ARHGEF10L: variants seen among roughly 807,000 people sequenced by gnomAD.
The protein encoded by ARHGEF10L is rho guanine nucleotide exchange factor 10-like protein.
ARHGEF10L carries 69 observed loss-of-function variants against 141.2 expected under a neutral mutation model. That is an observed-to-expected ratio of 0.49 (90% CI 0.40 to 0.60). The LOEUF is 0.60. ARHGEF10L is among the 20% of genes least tolerant of loss of function. ARHGEF10L has a pLI of 0.00. For synonymous variants in ARHGEF10L, 711 were observed against 718.5 expected (o/e 0.99, Z 0.17); for missense variants, 1,482 against 1,734.3 (o/e 0.85, Z 2.58).
intron 1 of ARHGEF10L, among the ~76,000 whole-genome samples, chr1:17,543,890 C>T (rs2076821923): frequency 6.6e-6 from 1 of 151,292 alleles, no homozygotes; most frequent in Non-Finnish European, 1.5e-5. Flanking sequence ...TCAGGTGATC[C>T]ACCTGCCTCA....
At chr1:17,605,237 G>A (rs1052876168) in intron 6 of ARHGEF10L, among the ~76,000 whole-genome samples, 2 of 152,166 alleles carry the variant, frequency 1.3e-5, no homozygotes, top group Non-Finnish European at 2.9e-5. Flanking sequence ...TTGGGCACAG[G>A]GCTTTGTGCC....
At chr1:17,562,063 G>A (rs1286798955) in intron 1 of ARHGEF10L, among the ~76,000 whole-genome samples, 2 of 152,224 alleles carry the variant, frequency 1.3e-5, no homozygotes, top group African/African-American at 2.4e-5. Context: ...TTGAAGACTT[G>A]TTAGTGCCCA....
chr1:17,607,025 C>T lies in ARHGEF10L; in HGVS notation c.434-777C>T, dbSNP rs770475127. On this transcript the variant is annotated intron_variant, in intron 6 of 28. Transcript: ENST00000361221. This position sits in a 1 kb window ranked among gnomAD's most constrained non-coding sequence, Gnocchi z 4.5. ...GAGCTCCTGGACTCTGGGCCAGCTG[C>T]GCCCCCTACTGGAAGATCCCAGGCT... Among the ~76,000 whole-genome samples the T allele has an allele frequency of 3.3e-4, 50 of 152,336 alleles. No homozygotes were observed. The highest frequency in any genetic ancestry group is 5.6e-4 in the Non-Finnish European group (38 of 68,042).
At position 17,670,754 on chromosome 1, in the gene ARHGEF10L, C is replaced by T. The variant is rs552232722; in HGVS notation, c.3009+6159C>T. On this transcript the variant is annotated intron_variant, in intron 26 of 28. Transcript: ENST00000361221. Reference sequence around the variant, plus strand: ...ATCTCCGCAACGCTGAGGAGTGACCCGCTGGGCCCATTTTACAGATGGGGA... The same window carrying T: ...ATCTCCGCAACGCTGAGGAGTGACCTGCTGGGCCCATTTTACAGATGGGGA... 8.5e-4 allele frequency among the ~76,000 whole-genome samples: 130 copies of T among 152,342 alleles called. 1 individual carries two copies. The South Asian group carries it at 0.024, about 28-fold the overall frequency.
intron 9 of ARHGEF10L, chr1:17,618,314 A>G (rs1213402773): frequency 1.5e-6 from 2 of 1,335,074 alleles, no homozygotes; most frequent in Non-Finnish European, 2.0e-6. Context: ...TGCAGAGGCG[A>G]TATTAATAGC....
intron 26 of ARHGEF10L, among the ~76,000 whole-genome samples, chr1:17,684,473 CAG>C (rs984703590): frequency 1.3e-5 from 2 of 152,144 alleles, no homozygotes; most frequent in Non-Finnish European, 2.9e-5. Flanking sequence ...TCCCAAAAAT[CAG>C]AGGCTCTGAG....
At chr1:17,696,708 C>T in intron 28 of ARHGEF10L, 140 bp from the exon 29 acceptor site, 1 of 865,294 alleles carries the variant, frequency 1.2e-6, no homozygotes, top group Non-Finnish European at 1.7e-6. Flanking sequence ...GAGCCTGTGG[C>T]CTTCGGGGGA....
Position 17,603,445 on chromosome 1 carries a change from C to A in ARHGEF10L, c.350-63C>A. On this transcript the variant is annotated intron_variant, in intron 5 of 28. Coordinates refer to ENST00000361221, the MANE Select transcript of ARHGEF10L (RefSeq NM_018125.4). The surrounding 1 kb of genome is among the most constrained non-coding windows in gnomAD (Gnocchi z 4.8). ...GCTGGTGCAGTCCTGATGTCATCTG[C>A]AGCACCTCTGGCCAGGCTGCCACAG... The A allele has an allele frequency of 7.2e-7, 1 of 1,390,716 alleles. No individual in the cohort carries two copies. Among genetic ancestry groups the A allele is most frequent in the South Asian group, 1.3e-5 (1 of 78,770 alleles). 86.1% of individuals were successfully genotyped at this position (1,390,716 alleles called of 1,614,324 possible). A position where few individuals can be genotyped will look rare whatever the true frequency, so the allele number is the denominator to read the frequency against.
chr1:17,655,933 C>T lies in ARHGEF10L; in HGVS notation c.2536C>T (p.Arg846Trp), dbSNP rs751771910. The change falls in exon 24 of 29, where the codon CGG becomes TGG. Residue 846 changes from arginine to tryptophan, a missense_variant. Physicochemically the swap from Arg to Trp is moderately radical, Grantham distance 101 (BLOSUM62 -3). Transcript: ENST00000361221. Reference sequence around the variant, plus strand: ...CCAGGTGGAAATCTTTTCCTTGAACCGGCCCTCGCCCCGCACCGTCAAGTC... The same window carrying T: ...CCAGGTGGAAATCTTTTCCTTGAACTGGCCCTCGCCCCGCACCGTCAAGTC... ...GGQVEIFSLN[R>W]PSPRTVKSFP... 2.5e-5 allele frequency: 39 copies of T among 1,558,308 alleles called. No homozygotes were observed. Among genetic ancestry groups the T allele is most frequent in the Admixed American group, 3.8e-5 (2 of 52,264 alleles).
chr1:17,650,933 G>T (rs1393177621), intron 22 of ARHGEF10L, among the ~76,000 whole-genome samples: 1 of 152,118 alleles, frequency 6.6e-6, no homozygotes, highest in Non-Finnish European at 1.5e-5. Flanking sequence ...AATGCAGTGC[G>T]TAAATATAAT....
intron 1 of ARHGEF10L, among the ~76,000 whole-genome samples, chr1:17,579,858 G>T (rs1285155202): frequency 6.6e-6 from 1 of 152,234 alleles, no homozygotes; most frequent in African/African-American, 2.4e-5. Context: ...GGAGGCATCA[G>T]CCTTTTGCTT....
intron 1 of ARHGEF10L, among the ~76,000 whole-genome samples, chr1:17,565,800 T>C (rs982079923): frequency 6.6e-6 from 1 of 152,176 alleles, no homozygotes; most frequent in Non-Finnish European, 1.5e-5. Flanking sequence ...ACTGAGGACA[T>C]GGAGAGGCAA....
chr1:17,645,273 C>T (rs538509096), intron 21 of ARHGEF10L, among the ~76,000 whole-genome samples: 1 of 152,186 alleles, frequency 6.6e-6, no homozygotes, highest in East Asian at 1.9e-4. Flanking sequence ...GGTTTTGTGA[C>T]GGGAACAATG....
chr1:17,624,643 C>T (rs2060282986), intron 13 of ARHGEF10L, 140 bp downstream of exon 13: 1 of 704,346 alleles, frequency 1.4e-6, no homozygotes, highest in East Asian at 2.7e-5. Context: ...TTGGGGCAGC[C>T]CAGTCCCATG....
intron 28 of ARHGEF10L, 42 bp downstream of exon 28, chr1:17,695,322 G>C: frequency 1.9e-6 from 3 of 1,538,950 alleles, no homozygotes; most frequent in Non-Finnish European, 2.6e-6. Context: ...CAGGGGGTCA[G>C]CTGCAGGTGG....
chr1:17,602,116 C>G lies in ARHGEF10L; in HGVS notation c.258-11C>G. ...TCTGGACACCTCTGCAGTGCCATCT[C>G]TTGCCCGCAGGGTGCCAGCCTGGGT... On this transcript the variant is annotated splice_polypyrimidine_tract_variant and intron_variant, in intron 4 of 28. Transcript: ENST00000361221. 6.4e-7 allele frequency: 1 copy of G among 1,553,826 alleles called. No homozygotes were observed. Among genetic ancestry groups the G allele is most frequent in the Non-Finnish European group, 8.7e-7 (1 of 1,148,962 alleles).
At chr1:17,645,497 G>T (rs1030497579) in intron 21 of ARHGEF10L, among the ~76,000 whole-genome samples, 1 of 152,098 alleles carries the variant, frequency 6.6e-6, no homozygotes, top group African/African-American at 2.4e-5. Flanking sequence ...GGAGATGCTC[G>T]CTCACCCAGC....
chr1:17,683,367 C>T (rs1300314964), intron 26 of ARHGEF10L, among the ~76,000 whole-genome samples: 3 of 136,202 alleles, frequency 2.2e-5, no homozygotes, highest in African/African-American at 5.5e-5. Flanking sequence ...CTGCTCTCAC[C>T]GGGGTGCTCA....
intron 9 of ARHGEF10L, chr1:17,618,522 G>C: frequency 2.1e-6 from 3 of 1,428,206 alleles, no homozygotes; most frequent in Non-Finnish European, 2.8e-6. Context: ...CTCCTGCTCA[G>C]GTAAGGGCCT....
Sources: allele counts gnomAD v4.1 joint callset (sites outside exome capture counted in the v4.1 genomes callset), GRCh38; gene constraint gnomAD v4.1.1; non-coding constraint Gnocchi (gnomAD v3.1); transcripts MANE v1.5; gene names NCBI Gene and HGNC (gene_info 2026-07-23, HGNC 2026-07-21).